The following PLD4 variants were observed in gnomAD, a reference collection of about 807,000 sequenced individuals.
PLD4 encodes the protein phospholipase D family member 4.
Under a neutral mutation model 52.3 loss-of-function variants are expected in PLD4, and 54 were observed. That is an observed-to-expected ratio of 1.03 (90% confidence interval 0.83 to 1.30). The LOEUF (loss-of-function observed/expected upper bound fraction) is 1.30, where lower values mean the gene tolerates loss of function less well. PLD4 is among the 50% of genes most tolerant of loss of function. The probability of loss-of-function intolerance (pLI) is 0.00; values close to 1 mark genes in which losing one functional copy is unlikely to be tolerated. For missense variants in PLD4, 731 were observed against 671.1 expected (o/e 1.09, Z -0.99); for synonymous variants, 264 against 286.5 (o/e 0.92, Z 0.79).
At chr14:104,933,911 C>A (rs867254431), downstream of PLD4, 2 of 12,182 alleles carry the variant, frequency 1.6e-4, no homozygotes, top group African/African-American at 4.7e-4. Flanking sequence ...CTGAGGGGAC[C>A]GGGAGGGCGG....
At chr14:104,935,773 A>C (rs1020432792), downstream of PLD4, 1 of 152,194 alleles carries the variant, frequency 6.6e-6, no homozygotes, top group Non-Finnish European at 1.5e-5. Flanking sequence ...GGTTGCCTCC[A>C]GCCCCCAACT....
Position 104,932,065 on chromosome 14 carries a change from TGC to T in PLD4, c.1116_1117del (p.Val373AlafsTer109), listed in dbSNP as rs758884819. The T allele has an allele frequency of 1.4e-5, 23 of 1,608,576 alleles. No individual in the cohort carries two copies. Among genetic ancestry groups the T allele is most frequent in the Middle Eastern group, 1.6e-4 (1 of 6,078 alleles). ...CGGGCGGCAGCCTTCGGCAAGGGCG[TGC>T]GCGTGCGCCTGCTGGTCGGCTGCGG... On this transcript the variant is annotated frameshift_variant, in exon 9 of 11. Coordinates refer to ENST00000392593, the MANE Select transcript of PLD4 (RefSeq NM_138790.5). LOFTEE classifies it high-confidence loss of function. This position sits in a 1 kb window ranked among gnomAD's most constrained non-coding sequence, Gnocchi z 6.5.
At chr14:104,929,901 G>A in intron 5 of PLD4, 77 bp from the exon 6 acceptor site, 2 of 1,545,516 alleles carry the variant, frequency 1.3e-6, no homozygotes, top group Non-Finnish European at 1.8e-6. Context: ...CCACTGTCAA[G>A]AGCTTGGGGT....
Position 104,927,855 on chromosome 14 carries a change from G to A in PLD4, c.273G>A (p.Arg91=), listed in dbSNP as rs1262132096. The part of the protein sequence containing the change: ...EPLEAEARQQ[R]DSCQLVLVES... ...TGGAAGCAGAGGCCAGGCAGCAGAG[G>A]GACTCCTGCCAGTAAGTGAGCCCAT... is the stretch of plus-strand genomic sequence containing the variant. The change falls in exon 3 of 11, where the codon AGG becomes AGA. Residue 91 remains arginine (R), a synonymous_variant. Transcript: ENST00000392593. 6.3e-7 allele frequency: 1 copy of A among 1,575,106 alleles called. No homozygotes were observed. Among genetic ancestry groups the A allele is most frequent in the Middle Eastern group, 1.7e-4 (1 of 5,920 alleles).
chr14:104,931,384 C>T (rs1897639103), intron 7 of PLD4, among the ~76,000 whole-genome samples: 1 of 151,846 alleles, frequency 6.6e-6, no homozygotes, highest in South Asian at 2.1e-4. Context: ...GACAGCCCTC[C>T]AGCCAGCCGA....
At chr14:104,927,063 G>A (rs1255005780) in intron 1 of PLD4, 78 bp from the exon 2 acceptor site, 10 of 1,369,792 alleles carry the variant, frequency 7.3e-6, no homozygotes, top group Non-Finnish European at 9.8e-6. Flanking sequence ...GGTGTCCCCA[G>A]TGCCCAGCTG....
chr14:104,930,866 AC>A lies in PLD4; in HGVS notation c.843del (p.Phe282SerfsTer46). 1.9e-6 allele frequency: 3 copies of A among 1,613,528 alleles called. No individual in the cohort carries two copies. Among genetic ancestry groups the A allele is most frequent in the Non-Finnish European group, 2.5e-6 (3 of 1,180,010 alleles). On this transcript the variant is annotated frameshift_variant, in exon 7 of 11. Coordinates refer to ENST00000392593, the MANE Select transcript of PLD4 (RefSeq NM_138790.5). LOFTEE classifies it high-confidence loss of function. ...KAVLPKTWPQ[N>X]FSSHFNRFQP... ...GTCCTCCCCAAAACCTGGCCTCAGAACTTCTCATCTCACTTCAACCGTTTCC... is the reference window on the plus strand; with the variant it reads ...GTCCTCCCCAAAACCTGGCCTCAGAATTCTCATCTCACTTCAACCGTTTCC...
chr14:104,929,092 A>G (rs2841283), intron 4 of PLD4, 160 bp downstream of exon 4: 673,659 of 1,187,576 alleles, frequency 0.57, 194,461 homozygotes, highest in East Asian at 0.74. Context: ...GGGCTCTAAC[A>G]GCAGAGGTGT....
At chr14:104,927,343 G>A in intron 2 of PLD4, 113 bp downstream of exon 2, 1 of 963,218 alleles carries the variant, frequency 1.0e-6, no homozygotes, top group East Asian at 2.7e-5. Context: ...AAGCAGAGGT[G>A]CCCTGACTGG....
At chr14:104,936,367 C>T (rs1387970413), downstream of PLD4, 1 of 152,248 alleles carries the variant, frequency 6.6e-6, no homozygotes, top group Non-Finnish European at 1.5e-5. Context: ...CTTCCCACTT[C>T]CCCTGCTCAT....
At chr14:104,930,661 A>T in intron 6 of PLD4, 81 bp from the exon 7 acceptor site, 1 of 1,490,512 alleles carries the variant, frequency 6.7e-7, no homozygotes, top group East Asian at 2.3e-5. Context: ...ACCTGCCCCA[A>T]CATCCCTGGC....
In PLD4 at chr14:104,932,281, G is replaced by A. The variant is rs890343032; in HGVS notation, c.1247G>A (p.Gly416Glu). The change falls in exon 10 of 11, where the codon GGG (glycine) becomes GAG (glutamate). Residue 416 changes from glycine to glutamate, a missense_variant. Gly to Glu is a moderately conservative substitution (Grantham distance 98, BLOSUM62 -2). Transcript: ENST00000392593. This position sits in a 1 kb window ranked among gnomAD's most constrained non-coding sequence, Gnocchi z 6.5. ...AAGAAAGTCTTCATCGTGCCGGTGG[G>A]GAACCATTCCAACATCCCATTCAGC... The part of the protein sequence containing the change: ...VDVKVFIVPV[G>E]NHSNIPFSRV... 9 of 1,612,598 alleles carry A rather than the reference G, an allele frequency of 5.6e-6. No homozygotes were observed. Among genetic ancestry groups the A allele is most frequent in the African/African-American group, 2.7e-5 (2 of 74,922 alleles).
chr14:104,927,436 G>A (rs939879853), intron 2 of PLD4, among the ~76,000 whole-genome samples: 14 of 152,152 alleles, frequency 9.2e-5, no homozygotes, highest in Non-Finnish European at 1.9e-4. Flanking sequence ...CAGTTACCAC[G>A]AGCCACAGCA....
At position 104,932,021 on chromosome 14, in the gene PLD4, G is replaced by C. The variant is rs748586346; in HGVS notation, c.1068G>C (p.Pro356=). Residue 356 remains proline, a synonymous_variant, in exon 9 of 11, where the codon CCG becomes CCC. Transcript: ENST00000392593. The surrounding 1 kb of genome is among the most constrained non-coding windows in gnomAD (Gnocchi z 6.5). ...TRFSHPPRYW[P]VLDNALRAAA... is the part of the protein sequence containing the mutation. ...CCCTCCCCACCCCAAGGTACTGGCC[G>C]GTGCTGGACAACGCGCTGCGGGCGG... 2 of 1,596,648 alleles carry C rather than the reference G, an allele frequency of 1.3e-6. No individual in the cohort carries two copies. Among genetic ancestry groups the C allele is most frequent in the South Asian group, 2.2e-5 (2 of 89,130 alleles).
chr14:104,931,491 T>C (rs1897642692), intron 7 of PLD4, among the ~76,000 whole-genome samples: 1 of 152,134 alleles, frequency 6.6e-6, no homozygotes, highest in Non-Finnish European at 1.5e-5. Flanking sequence ...AACTTCCCTG[T>C]GGCCAGGAAC....
chr14:104,931,902 G>C lies in PLD4; in HGVS notation c.1058+15G>C, dbSNP rs368763697. On this transcript the variant is annotated intron_variant, in intron 8 of 10. Transcript: ENST00000392593. Reference sequence around the variant, plus strand: ...CACCCCCCGAGGTAGGTCTGAGTGGGAGGTGGGCGGCCTGCTCTGCTGACG... The same window carrying C: ...CACCCCCCGAGGTAGGTCTGAGTGGCAGGTGGGCGGCCTGCTCTGCTGACG... 245 of 1,531,736 alleles carry C rather than the reference G, an allele frequency of 1.6e-4. 1 individual carries two copies. The African/African-American group carries it at 2.2e-3, about 14-fold the overall frequency. The allele number at this position is 1,531,736 out of a possible 1,614,324, so 94.9% of individuals were successfully genotyped here.
chr14:104,937,779 T>C (rs1897847900), downstream of PLD4: 2 of 388,092 alleles, frequency 5.2e-6, no homozygotes, highest in Non-Finnish European at 9.2e-6. Context: ...ACCAACAAAC[T>C]TCCCCAGCAG....
rs779617815 is a variant in PLD4 at position 104,932,073 on chromosome 14, C to A, written c.1120C>A (p.Arg374Ser). The A allele has an allele frequency of 9.3e-6, 15 of 1,609,140 alleles. No individual in the cohort carries two copies. In the East Asian group the frequency reaches 3.1e-4, roughly 34 times the overall value. ...AGCCTTCGGCAAGGGCGTGCGCGTG[C>A]GCCTGCTGGTCGGCTGCGGACTCAA... ...AAAFGKGVRV[R>S]LLVGCGLNTD... The change falls in exon 9 of 11, where the codon CGC becomes AGC. Residue 374 changes from arginine to serine, a missense_variant. Physicochemically the swap from Arg to Ser is moderately radical, Grantham distance 110. Transcript: ENST00000392593. The surrounding 1 kb of genome is among the most constrained non-coding windows in gnomAD (Gnocchi z 6.5).
At position 104,932,274 on chromosome 14, in the gene PLD4, C is replaced by T. The variant is rs748118744; in HGVS notation, c.1240C>T (p.Pro414Ser). The change falls in exon 10 of 11, where the codon CCG becomes TCG. Residue 414 changes from proline (P) to serine (S), a missense_variant. Physicochemically the swap from Pro to Ser is moderately conservative, Grantham distance 74. Coordinates refer to ENST00000392593, the MANE Select transcript of PLD4 (RefSeq NM_138790.5). The surrounding 1 kb of genome is among the most constrained non-coding windows in gnomAD (Gnocchi z 6.5). ...VSVDVKVFIVPVGNHSNIPFS... is the reference protein window; with the variant it reads ...VSVDVKVFIVSVGNHSNIPFS... ...CTCCCCTAAGAAAGTCTTCATCGTG[C>T]CGGTGGGGAACCATTCCAACATCCC... 4.6e-5 allele frequency: 74 copies of T among 1,612,608 alleles called. No individual in the cohort carries two copies. The highest frequency in any genetic ancestry group is 5.8e-5 in the Non-Finnish European group (68 of 1,179,872).
Sources: gnomAD v4.1 joint callset for allele counts (sites outside exome capture counted in the v4.1 genomes callset) on GRCh38, gnomAD v4.1.1 for gene constraint, Gnocchi (gnomAD v3.1) non-coding constraint, MANE v1.5 for transcripts, NCBI Gene and HGNC (gene_info 2026-07-23, HGNC 2026-07-21) for gene names.